KCNN2: variants seen among roughly 807,000 people sequenced by gnomAD.
KCNN2 encodes the protein small conductance calcium-activated potassium channel protein 2.
A neutral mutation model predicts 55.5 loss-of-function variants in KCNN2; 24 were observed. That is an observed-to-expected ratio of 0.43 (90% CI 0.31 to 0.61). KCNN2 has a LOEUF of 0.61. Among genes scored for constraint, KCNN2 ranks in the 20% least tolerant of loss-of-function variants. KCNN2 has a pLI of 0.08. For synonymous variants in KCNN2, 431 were observed against 336.1 expected, an observed-to-expected ratio of 1.28 and a Z score of -3.09; for missense variants, 754 against 853.6, an observed-to-expected ratio of 0.88 and a Z score of 1.45.
intron 2 of KCNN2, among the ~76,000 whole-genome samples, chr5:114,246,464 A>G (rs554205128): frequency 2.0e-5 from 3 of 152,316 alleles, no homozygotes; most frequent in Non-Finnish European, 2.9e-5. Context: ...TATTTGGTCT[A>G]TGAACTTTAT....
intron 2 of KCNN2, among the ~76,000 whole-genome samples, chr5:114,296,726 G>T (rs1250546435): frequency 6.6e-6 from 1 of 152,140 alleles, no homozygotes; most frequent in East Asian, 1.9e-4. Context: ...ACTAGAAAGG[G>T]CATTTAAAAG....
chr5:114,068,608 A>G (rs1007758663), intron 1 of KCNN2, among the ~76,000 whole-genome samples: 1 of 152,150 alleles, frequency 6.6e-6, no homozygotes, highest in Non-Finnish European at 1.5e-5. Flanking sequence ...TGACTTCTGC[A>G]CCTGCTCCTA....
intron 1 of KCNN2, among the ~76,000 whole-genome samples, chr5:114,179,769 C>A (rs775165396): frequency 6.6e-6 from 1 of 152,012 alleles, no homozygotes; most frequent in Non-Finnish European, 1.5e-5. Context: ...TAAGACTCAG[C>A]CATATAGTAG....
intron 2 of KCNN2, among the ~76,000 whole-genome samples, chr5:114,334,637 T>C (rs1756889553): frequency 6.6e-6 from 1 of 152,094 alleles, no homozygotes; most frequent in Admixed American, 6.5e-5. Flanking sequence ...ATGGCTAAAC[T>C]TAAATTTTCT....
At chr5:114,109,822 G>A (rs1013436594) in intron 1 of KCNN2, among the ~76,000 whole-genome samples, 5 of 152,050 alleles carry the variant, frequency 3.3e-5, no homozygotes, top group Admixed American at 6.6e-5. Context: ...CTGTCAAGGC[G>A]TGGGGATTTT....
intron 1 of KCNN2, among the ~76,000 whole-genome samples, chr5:114,138,987 A>G (rs1207623363): frequency 6.6e-6 from 1 of 152,176 alleles, no homozygotes; most frequent in Non-Finnish European, 1.5e-5. Context: ...AATAAATACT[A>G]TACCTTTTAT....
At position 114,323,465 on chromosome 5, in the gene KCNN2, A is replaced by ACTTTTT. The variant is rs1756652135; in HGVS notation, c.-184-37480_-184-37479insCTTTTT. ...CAGCCACTTAAGCTCTTAAATCTTT[A>ACTTTTT]AAGATAATAAAACTAAAAAAGTAAT... On this transcript the variant is annotated intron_variant, in intron 2 of 10. Transcript: ENST00000512097. 3.3e-5 allele frequency among the ~76,000 whole-genome samples: 5 copies of ACTTTTT among 152,236 alleles called. 1 individual carries two copies. The highest frequency in any genetic ancestry group is 3.3e-4 in the Admixed American group (5 of 15,284).
intron 1 of KCNN2, among the ~76,000 whole-genome samples, chr5:114,204,708 C>A (rs1004524407): frequency 6.6e-6 from 1 of 152,210 alleles, no homozygotes; most frequent in African/African-American, 2.4e-5. Flanking sequence ...ATTATGGTGA[C>A]ACCACCATTA....
rs1018641480 is a variant in KCNN2 at position 114,109,565 on chromosome 5, A to G, written c.-271+53065A>G. ...ATGCACACTTTTTTTTGTCTTAGCC[A>G]TAACACCTTGGAGAGTAATGACACA... On this transcript the variant is annotated intron_variant, in intron 1 of 10. Transcript: ENST00000512097. 3.3e-5 allele frequency among the ~76,000 whole-genome samples: 5 copies of G among 152,050 alleles called. No individual in the cohort carries two copies. In the East Asian group the frequency reaches 7.7e-4, roughly 24 times the overall value.
At chr5:114,270,647 C>T (rs951374931) in intron 2 of KCNN2, among the ~76,000 whole-genome samples, 17 of 152,188 alleles carry the variant, frequency 1.1e-4, no homozygotes, top group African/African-American at 3.6e-4. Context: ...TCATATTTTA[C>T]TCCCATTATG....
chr5:114,294,103 C>G (rs901128613), intron 2 of KCNN2, among the ~76,000 whole-genome samples: 4 of 151,988 alleles, frequency 2.6e-5, no homozygotes, highest in Admixed American at 1.3e-4. Flanking sequence ...ATTAGTCTTG[C>G]TAGCGGTCTA....
intron 1 of KCNN2, among the ~76,000 whole-genome samples, chr5:114,146,198 A>C (rs1752395032): frequency 6.6e-6 from 1 of 152,158 alleles, no homozygotes; most frequent in South Asian, 2.1e-4. Context: ...TTTCGGTGAC[A>C]GTAACAGAAC....
chr5:114,460,270 C>G (rs1357339806), intron 3 of KCNN2, among the ~76,000 whole-genome samples: 3 of 152,128 alleles, frequency 2.0e-5, no homozygotes, highest in Non-Finnish European at 4.4e-5. Flanking sequence ...CAAGGAGTCT[C>G]ACTCTGTCAT....
chr5:114,388,454 C>T (rs1379471407), intron 2 of KCNN2, among the ~76,000 whole-genome samples: 1 of 152,160 alleles, frequency 6.6e-6, no homozygotes, highest in Admixed American at 6.6e-5. Flanking sequence ...TCTGATCTCC[C>T]TTCCTCCTTC....
At chr5:114,283,754 G>A (rs111803829) in intron 2 of KCNN2, among the ~76,000 whole-genome samples, 3 of 152,182 alleles carry the variant, frequency 2.0e-5, no homozygotes, top group Non-Finnish European at 4.4e-5. Flanking sequence ...CAGGTACCTG[G>A]GAGTGAAAGC....
intron 1 of KCNN2, among the ~76,000 whole-genome samples, chr5:114,056,754 C>A (rs943211403): frequency 1.3e-5 from 2 of 152,152 alleles, no homozygotes; most frequent in Admixed American, 6.6e-5. Flanking sequence ...GTTCCCTATC[C>A]TCCCTTCCGT....
chr5:114,273,009 T>C (rs1259209495), intron 2 of KCNN2, among the ~76,000 whole-genome samples: 1 of 152,154 alleles, frequency 6.6e-6, no homozygotes, highest in Non-Finnish European at 1.5e-5. Context: ...GCATTTCTCC[T>C]CATGATATCT....
chr5:114,471,582 T>TAATC (rs1480197566), intron 4 of KCNN2, among the ~76,000 whole-genome samples: 8 of 152,194 alleles, frequency 5.3e-5, no homozygotes, highest in African/African-American at 1.9e-4. Flanking sequence ...ATATCAATGC[T>TAATC]AATCAAAGTT....
chr5:114,143,665 T>C (rs2112508327), intron 1 of KCNN2, among the ~76,000 whole-genome samples: 1 of 152,358 alleles, frequency 6.6e-6, no homozygotes, highest in Admixed American at 6.5e-5. Context: ...CGTCCATTCA[T>C]AGGCTTTTTG....
Sources: gnomAD v4.1 joint callset for allele counts (sites outside exome capture counted in the v4.1 genomes callset) on GRCh38, gnomAD v4.1.1 for gene constraint, MANE v1.5 for transcripts, NCBI Gene and HGNC (gene_info 2026-07-23, HGNC 2026-07-21) for gene names.